ACOXL: variants seen among roughly 807,000 people sequenced by gnomAD.
ACOXL encodes the protein acyl-CoA oxidase like.
In ACOXL, 70 loss-of-function variants were observed where a neutral mutation model predicts 71.9. The ratio of observed to expected loss-of-function variants is 0.97; its 90% CI spans 0.80 to 1.19. ACOXL has a LOEUF of 1.19. ACOXL is among the 50% of genes most tolerant of loss of function. ACOXL has a pLI of 0.00. For synonymous variants in ACOXL, 253 were observed against 281.6 expected, an observed-to-expected ratio of 0.90 and a Z score of 1.02; for missense variants, 703 against 736.3, an observed-to-expected ratio of 0.95 and a Z score of 0.52.
At chr2:110,807,980 C>G (rs1686877383) in intron 9 of ACOXL, among the ~76,000 whole-genome samples, 1 of 152,150 alleles carries the variant, frequency 6.6e-6, no homozygotes, top group Admixed American at 6.5e-5. Flanking sequence ...TCATGGTTCT[C>G]TTTCATTTCC....
chr2:110,833,181 A>G (rs1421789624), intron 9 of ACOXL, among the ~76,000 whole-genome samples: 3 of 152,250 alleles, frequency 2.0e-5, no homozygotes, highest in Non-Finnish European at 4.4e-5. Context: ...ATATCTTTCA[A>G]CAGGTGAAAG....
At chr2:111,093,377 A>G (rs2068640598) in intron 17 of ACOXL, 1 of 1,434,342 alleles carries the variant, frequency 7.0e-7, no homozygotes, top group African/African-American at 1.4e-5. Flanking sequence ...GGAGCACCTG[A>G]AAAAGAAGGT....
At chr2:110,746,538 CT>C (rs1678237025) in intron 1 of ACOXL, among the ~76,000 whole-genome samples, 1 of 152,146 alleles carries the variant, frequency 6.6e-6, no homozygotes, top group Non-Finnish European at 1.5e-5. Flanking sequence ...TGGGACCCGG[CT>C]CCTGGGCATG....
chr2:110,901,268 C>T (rs1221248594), intron 10 of ACOXL, among the ~76,000 whole-genome samples: 1 of 152,148 alleles, frequency 6.6e-6, no homozygotes, highest in Non-Finnish European at 1.5e-5. Context: ...CACTCTCTGG[C>T]CAAGGAAATC....
chr2:110,923,125 T>C (rs2060139313), intron 11 of ACOXL, among the ~76,000 whole-genome samples: 1 of 152,216 alleles, frequency 6.6e-6, no homozygotes, highest in African/African-American at 2.4e-5. Context: ...GGAAAGAGAC[T>C]GCCTTCACTT....
intron 9 of ACOXL, among the ~76,000 whole-genome samples, chr2:110,813,455 C>T (rs1381700501): frequency 2.6e-5 from 4 of 152,158 alleles, no homozygotes; most frequent in Admixed American, 6.5e-5. Flanking sequence ...GCTGCCAGCT[C>T]ATCTACTACC....
intron 11 of ACOXL, among the ~76,000 whole-genome samples, chr2:110,917,749 A>G (rs2059918525): frequency 6.6e-6 from 1 of 152,228 alleles, no homozygotes; most frequent in Admixed American, 6.5e-5. Flanking sequence ...AAGCATTCCT[A>G]TACACCAATA....
At chr2:111,004,299 T>C (rs2063773317) in intron 14 of ACOXL, among the ~76,000 whole-genome samples, 1 of 71,616 alleles carries the variant, frequency 1.4e-5, no homozygotes, top group South Asian at 6.4e-4. Flanking sequence ...ACATTTTTAC[T>C]TTAGAGATGC....
intron 10 of ACOXL, among the ~76,000 whole-genome samples, chr2:110,904,878 G>C (rs4332932): frequency 0.3 from 45,341 of 152,010 alleles, 7,345 homozygotes; most frequent in Middle Eastern, 0.37. Flanking sequence ...GGGGAGACTA[G>C]GTTAGGCCCT....
intron 12 of ACOXL, among the ~76,000 whole-genome samples, chr2:110,952,134 T>C (rs754917777): frequency 3.9e-5 from 6 of 152,236 alleles, no homozygotes; most frequent in South Asian, 2.1e-4. Flanking sequence ...TAAGAACATA[T>C]AAAATGATTG....
chr2:110,958,299 C>T (rs189884005), intron 12 of ACOXL, among the ~76,000 whole-genome samples: 100 of 152,266 alleles, frequency 6.6e-4, no homozygotes, highest in African/African-American at 2.4e-3. Flanking sequence ...GAGAGCCCCA[C>T]GCACCTTCAG....
intron 1 of ACOXL, among the ~76,000 whole-genome samples, chr2:110,751,184 CCAG>C (rs751101948): frequency 1.5e-4 from 22 of 151,680 alleles, no homozygotes; most frequent in Admixed American, 2.6e-4. Context: ...GCCTGTAGTC[CCAG>C]CTACTTGGGA....
At chr2:110,873,773 A>G (rs1167389505) in intron 10 of ACOXL, among the ~76,000 whole-genome samples, 1 of 152,172 alleles carries the variant, frequency 6.6e-6, no homozygotes, top group Non-Finnish European at 1.5e-5. Flanking sequence ...TATCTGTTCA[A>G]TTGCGTTTTC....
At chr2:111,112,289 CA>C in intron 17 of ACOXL, among the ~76,000 whole-genome samples, 1 of 152,302 alleles carries the variant, frequency 6.6e-6, no homozygotes, top group South Asian at 2.1e-4. Context: ...CCAGGAGACG[CA>C]CCAAGCTAAG....
intron 15 of ACOXL, among the ~76,000 whole-genome samples, chr2:111,035,836 C>G (rs779932514): frequency 1.3e-5 from 2 of 152,156 alleles, no homozygotes; most frequent in Non-Finnish European, 2.9e-5. Flanking sequence ...AGTATTCTTC[C>G]CGGGATCAGC....
At chr2:110,846,636 T>TACGCACACACACACAC (rs1553562177) in intron 10 of ACOXL, among the ~76,000 whole-genome samples, 1 of 44,836 alleles carries the variant, frequency 2.2e-5, no homozygotes, top group Admixed American at 1.8e-4. Flanking sequence ...CAAGTATGCA[T>TACGCACACACACACAC]ACACGCACAC....
chr2:110,822,287 G>A (rs182200281), intron 9 of ACOXL, among the ~76,000 whole-genome samples: 39 of 152,140 alleles, frequency 2.6e-4, no homozygotes, highest in South Asian at 2.1e-4. Flanking sequence ...TCACACTCAC[G>A]TCTCAACTCT....
At chr2:110,905,031 TAA>T (rs2059389988) in intron 10 of ACOXL, among the ~76,000 whole-genome samples, 2 of 151,786 alleles carry the variant, frequency 1.3e-5, no homozygotes, top group Admixed American at 1.3e-4. Flanking sequence ...CCAGGGTCAG[TAA>T]AGTCTCAGAT....
chr2:111,078,977 G>A (rs569225949), intron 16 of ACOXL, among the ~76,000 whole-genome samples: 6 of 152,264 alleles, frequency 3.9e-5, no homozygotes, highest in South Asian at 2.1e-4. Flanking sequence ...GCTATGTTCC[G>A]TGTATGCACC....
Sources: allele counts gnomAD v4.1 joint callset (sites outside exome capture counted in the v4.1 genomes callset), GRCh38; gene constraint gnomAD v4.1.1; transcripts MANE v1.5; gene names NCBI Gene and HGNC (gene_info 2026-07-23, HGNC 2026-07-21).